Variants in EGFLAM observed in about 807,000 individuals in gnomAD.
The protein encoded by EGFLAM is EGF like, fibronectin type III and laminin G domains.
In EGFLAM, 79 loss-of-function variants were observed where a neutral mutation model predicts 113.1. That is an observed-to-expected ratio of 0.70 (90% CI 0.58 to 0.84). EGFLAM has a LOEUF of 0.84. Among genes scored for constraint, EGFLAM ranks in the 40% least tolerant of loss-of-function variants. The pLI, the probability that EGFLAM is intolerant of heterozygous loss-of-function variation, is 0.00. For synonymous variants in EGFLAM, 504 were observed against 487.6 expected (o/e 1.03, Z -0.44); for missense variants, 1,265 against 1,291.6 (o/e 0.98, Z 0.32).
intron 1 of EGFLAM, among the ~76,000 whole-genome samples, chr5:38,279,794 T>C (rs975164151): frequency 7.2e-5 from 11 of 152,100 alleles, no homozygotes; most frequent in African/African-American, 2.7e-4. Context: ...GCTCAAGAGA[T>C]CTATTGTACA....
At chr5:38,445,669 C>T (rs1352356114) in intron 17 of EGFLAM, 1 of 1,598,472 alleles carries the variant, frequency 6.3e-7, no homozygotes, top group South Asian at 1.1e-5. Context: ...TTCATGCTGG[C>T]ACCGGGCAGA....
At chr5:38,417,899 G>C (rs1182408687) in intron 11 of EGFLAM, among the ~76,000 whole-genome samples, 167 bp from the exon 12 acceptor site, 2 of 152,124 alleles carry the variant, frequency 1.3e-5, no homozygotes, top group Non-Finnish European at 2.9e-5. Context: ...TACGGTAATC[G>C]TGGGTTTAAT....
intron 1 of EGFLAM, among the ~76,000 whole-genome samples, chr5:38,303,669 G>A (rs1205058739): frequency 1.3e-5 from 2 of 152,104 alleles, no homozygotes; most frequent in African/African-American, 4.8e-5. Context: ...TTGGGTTTCT[G>A]CTCAAATGTT....
At chr5:38,441,833 C>G (rs867041670) in intron 17 of EGFLAM, among the ~76,000 whole-genome samples, 1 of 152,108 alleles carries the variant, frequency 6.6e-6, no homozygotes, top group Non-Finnish European at 1.5e-5. Context: ...AAGCTTTGGC[C>G]CTTGCTTCCC....
At chr5:38,349,952 TACACACACACACAC>T (rs60439871) in intron 3 of EGFLAM, among the ~76,000 whole-genome samples, 8 of 144,278 alleles carry the variant, frequency 5.5e-5, no homozygotes, top group Non-Finnish European at 1.2e-4. Flanking sequence ...GCAGGGGAAG[TACACACACACACAC>T]ACACACACAC....
chr5:38,357,474 G>T (rs1238214753), intron 5 of EGFLAM, among the ~76,000 whole-genome samples: 2 of 152,168 alleles, frequency 1.3e-5, no homozygotes, highest in Non-Finnish European at 2.9e-5. Flanking sequence ...GGCTTTGGGT[G>T]GGGGAGGGGG....
At chr5:38,366,840 C>T (rs1377431597) in intron 5 of EGFLAM, among the ~76,000 whole-genome samples, 1 of 152,212 alleles carries the variant, frequency 6.6e-6, no homozygotes, top group Non-Finnish European at 1.5e-5. Context: ...TGAGAGTCCT[C>T]AGACACTTGG....
At chr5:38,419,332 A>G (rs763724396) in intron 12 of EGFLAM, among the ~76,000 whole-genome samples, 3 of 152,186 alleles carry the variant, frequency 2.0e-5, no homozygotes, top group African/African-American at 4.8e-5. Flanking sequence ...CGATATCCCT[A>G]TGATACTCTC....
chr5:38,378,184 AC>A (rs1740414685), intron 6 of EGFLAM, among the ~76,000 whole-genome samples: 1 of 151,978 alleles, frequency 6.6e-6, no homozygotes, highest in African/African-American at 2.4e-5. Flanking sequence ...GTTCCCCAGC[AC>A]CCTCTCATCT....
chr5:38,448,440 C>T (rs1026012139), intron 18 of EGFLAM, 61 bp downstream of exon 18: 17 of 1,537,274 alleles, frequency 1.1e-5, no homozygotes, highest in Admixed American at 1.0e-4. Context: ...CTATATCTTT[C>T]TCAGGGCTTT....
chr5:38,344,341 C>A (rs1368210355), intron 3 of EGFLAM, among the ~76,000 whole-genome samples: 2 of 152,114 alleles, frequency 1.3e-5, no homozygotes, highest in Non-Finnish European at 2.9e-5. Flanking sequence ...CAAAAATTAG[C>A]CAGGCATGGT....
At chr5:38,428,845 T>A (rs1742098879) in intron 14 of EGFLAM, among the ~76,000 whole-genome samples, 1 of 152,236 alleles carries the variant, frequency 6.6e-6, no homozygotes, top group Admixed American at 6.5e-5. Context: ...TCACTGCCTG[T>A]CAGCAAAGGC....
Position 38,390,298 on chromosome 5 carries a change from T to G in EGFLAM, c.713-15828T>G, listed in dbSNP as rs10461990. ...CAAGTATCCTTTTGCAAGTAATTTT[T>G]CTCTACAATCTTATGTTTTTGACTT... On this transcript the variant is annotated intron_variant, in intron 6 of 21. Transcript: ENST00000322350. Among the ~76,000 whole-genome samples, 120 of 152,364 alleles carry G rather than the reference T, an allele frequency of 7.9e-4. 1 individual carries two copies. The East Asian group carries it at 0.023, about 29-fold the overall frequency.
chr5:38,435,476 A>G (rs112409432), intron 16 of EGFLAM, among the ~76,000 whole-genome samples: 19 of 152,350 alleles, frequency 1.2e-4, no homozygotes, highest in Middle Eastern at 6.8e-3. Flanking sequence ...CATGAATGCT[A>G]CTTGGTGATG....
intron 1 of EGFLAM, among the ~76,000 whole-genome samples, chr5:38,321,719 G>C (rs765128660): frequency 6.6e-6 from 1 of 152,164 alleles, no homozygotes; most frequent in Non-Finnish European, 1.5e-5. Context: ...TCTGCCAGAA[G>C]TCAACACTTG....
chr5:38,301,431 G>A (rs1371742252), intron 1 of EGFLAM, among the ~76,000 whole-genome samples: 2 of 152,154 alleles, frequency 1.3e-5, no homozygotes, highest in African/African-American at 4.8e-5. Context: ...TAGCAGCATA[G>A]TGAGGGTGAA....
intron 5 of EGFLAM, among the ~76,000 whole-genome samples, chr5:38,355,846 T>C (rs1490727219): frequency 1.3e-5 from 2 of 152,216 alleles, no homozygotes; most frequent in African/African-American, 2.4e-5. Context: ...CTGCAACCTC[T>C]GCCTCCCAAG....
intron 6 of EGFLAM, among the ~76,000 whole-genome samples, chr5:38,392,324 T>G (rs1325747680): frequency 1.3e-5 from 2 of 152,254 alleles, no homozygotes; most frequent in African/African-American, 4.8e-5. Flanking sequence ...TTCCATGATG[T>G]ATATGTACCA....
At chr5:38,293,706 A>G (rs948637219) in intron 1 of EGFLAM, among the ~76,000 whole-genome samples, 5 of 152,236 alleles carry the variant, frequency 3.3e-5, no homozygotes, top group African/African-American at 1.2e-4. Flanking sequence ...ATAAATCAAC[A>G]TTACTCTTGA....
Sources: gnomAD v4.1 joint callset for allele counts (sites outside exome capture counted in the v4.1 genomes callset) on GRCh38, gnomAD v4.1.1 for gene constraint, MANE v1.5 for transcripts, NCBI Gene and HGNC (gene_info 2026-07-23, HGNC 2026-07-21) for gene names.